Variants in OGA observed in about 807,000 individuals in gnomAD.
OGA encodes O-GlcNAcase.
Under a neutral mutation model 102.0 loss-of-function variants are expected in OGA, and 21 were observed. That is an observed-to-expected ratio of 0.21 (90% CI 0.15 to 0.30). The LOEUF is 0.30. Among genes scored for constraint, OGA ranks in the 10% least tolerant of loss-of-function variants. The probability of loss-of-function intolerance (pLI) is 1.00; values close to 1 mark genes in which losing one functional copy is unlikely to be tolerated. For missense variants in OGA, 765 were observed against 1,107.8 expected, an observed-to-expected ratio of 0.69 and a Z score of 4.39; for synonymous variants, 408 against 378.2, an observed-to-expected ratio of 1.08 and a Z score of -0.91.
In OGA at chr10:101,793,903, A is replaced by G. The variant is rs975316714; in HGVS notation, c.2070+10T>C. On this transcript the variant is annotated intron_variant, in intron 11 of 15. Coordinates refer to ENST00000361464, the MANE Select transcript of OGA (RefSeq NM_012215.5). ...AAAATGTCAATTCAGTTGTGAATTC[A>G]TATTGATACCTGGAACTCTCCTGCT... is the stretch of plus-strand genomic sequence containing the variant. 1 of 1,578,730 alleles carries G rather than the reference A, an allele frequency of 6.3e-7. No homozygotes were observed. Among genetic ancestry groups the G allele is most frequent in the African/African-American group, 1.4e-5 (1 of 74,064 alleles).
At position 101,797,911 on chromosome 10, in the gene OGA, C is replaced by T. The variant is rs751927540; in HGVS notation, c.1984+69G>A. ...GTGCCAATTCCCTAAATGTTTTTCTCCCTGTGGGATAATTTTTTTTAAAGG... is the reference window on the plus strand; with the variant it reads ...GTGCCAATTCCCTAAATGTTTTTCTTCCTGTGGGATAATTTTTTTTAAAGG... On this transcript the variant is annotated intron_variant, in intron 10 of 15. Coordinates refer to ENST00000361464, the MANE Select transcript of OGA (RefSeq NM_012215.5). The T allele has an allele frequency of 2.7e-6, 4 of 1,472,666 alleles. No individual in the cohort carries two copies. The East Asian group carries it at 9.1e-5, about 33-fold the overall frequency. The allele number at this position is 1,472,666 out of a possible 1,614,324, so 91.2% of individuals were successfully genotyped here.
chr10:101,789,003 A>G (rs1166552206), intron 14 of OGA, among the ~76,000 whole-genome samples: 1 of 152,206 alleles, frequency 6.6e-6, no homozygotes, highest in East Asian at 1.9e-4. Context: ...AAAATGTGCA[A>G]ATTTTATGTT....
chr10:101,798,716 A>G, intron 9 of OGA, 126 bp downstream of exon 9: 2 of 1,251,208 alleles, frequency 1.6e-6, no homozygotes, highest in African/African-American at 1.5e-5. Flanking sequence ...AACCGGCCTA[A>G]AGAACATATT....
intron 10 of OGA, chr10:101,797,232 A>G (rs946030355): frequency 3.9e-5 from 6 of 152,212 alleles, no homozygotes; most frequent in Admixed American, 2.6e-4. Flanking sequence ...TGTGCTGTAT[A>G]TAAGTCCATT....
At chr10:101,814,545 G>A (rs1326482454) in intron 1 of OGA, among the ~76,000 whole-genome samples, 1 of 152,080 alleles carries the variant, frequency 6.6e-6, no homozygotes, top group Non-Finnish European at 1.5e-5. Flanking sequence ...GCCAAGATCC[G>A]CGCCATTGCA....
chr10:101,809,542 C>G (rs2065522889), intron 4 of OGA, among the ~76,000 whole-genome samples: 2 of 151,766 alleles, frequency 1.3e-5, no homozygotes, highest in Non-Finnish European at 2.9e-5. Flanking sequence ...GTGGCAAAAC[C>G]CTGTCTCTAC....
At chr10:101,813,651 G>A in intron 1 of OGA, 45 bp from the exon 2 acceptor site, 1 of 1,265,702 alleles carries the variant, frequency 7.9e-7, no homozygotes, top group South Asian at 1.3e-5. Flanking sequence ...TTTAAAATGT[G>A]GTAAGCTTTA....
At chr10:101,788,588 G>C (rs1002474041) in intron 14 of OGA, among the ~76,000 whole-genome samples, 4 of 151,342 alleles carry the variant, frequency 2.6e-5, no homozygotes, top group African/African-American at 9.7e-5. Context: ...TACAAAAATT[G>C]GCTGGGCCTA....
chr10:101,805,568 T>TGG (rs2065458174), intron 6 of OGA, among the ~76,000 whole-genome samples: 8 of 150,534 alleles, frequency 5.3e-5, no homozygotes, highest in East Asian at 3.9e-4. Context: ...GTCAGGAGAA[T>TGG]TGCTTGAACC....
At chr10:101,789,621 G>A (rs779943337) in intron 14 of OGA, among the ~76,000 whole-genome samples, 2 of 151,976 alleles carry the variant, frequency 1.3e-5, no homozygotes, top group African/African-American at 2.4e-5. Context: ...CACAAGTAGG[G>A]GTCCAAATAT....
chr10:101,787,593 T>C (rs2065205930), intron 14 of OGA, 70 bp from the exon 15 acceptor site: 1 of 1,302,174 alleles, frequency 7.7e-7, no homozygotes, highest in Non-Finnish European at 1.1e-6. Context: ...CTACAGAACT[T>C]AGCAACAAGA....
intron 11 of OGA, 93 bp from the exon 12 acceptor site, chr10:101,793,036 C>T (rs2135036851): frequency 1.1e-6 from 1 of 931,522 alleles, no homozygotes; most frequent in East Asian, 2.5e-5. Context: ...CTTATATTAA[C>T]TGGCTACTGC....
At chr10:101,813,434 C>T in intron 2 of OGA, 121 bp downstream of exon 2, 1 of 671,308 alleles carries the variant, frequency 1.5e-6, no homozygotes. Flanking sequence ...GGTAAAATAA[C>T]TTCTGCAATT....
Position 101,811,731 on chromosome 10 carries a change from T to C in OGA, c.349+1299A>G, listed in dbSNP as rs544071930. Among the ~76,000 whole-genome samples the C allele has an allele frequency of 2.6e-5, 4 of 152,238 alleles. No homozygotes were observed. In the South Asian group the frequency reaches 8.3e-4, roughly 32 times the overall value. On this transcript the variant is annotated intron_variant, in intron 3 of 15. Coordinates refer to ENST00000361464, the MANE Select transcript of OGA (RefSeq NM_012215.5). ...AAGAAAAAGAACCAGAGTTAAGTCA[T>C]GGCCTTAACAATCTTGACCTGTTTC...
Position 101,807,906 on chromosome 10 carries a change from GA to G in OGA, c.481-6del. The G allele has an allele frequency of 7.0e-7, 1 of 1,429,968 alleles. No individual in the cohort carries two copies. The allele number at this position is 1,429,968 out of a possible 1,614,324, so 88.6% of individuals were successfully genotyped here. ...TCTGCACCCAAACTGAGAAACCTAG[GA>G]GAAAAAAAAAAAAAAGAATCAAGAG... On this transcript the variant is annotated splice_polypyrimidine_tract_variant and splice_region_variant and intron_variant, in intron 4 of 15. Transcript: ENST00000361464.
At chr10:101,791,524 G>A (rs1013430939) in intron 12 of OGA, 85 bp from the exon 13 acceptor site, 1 of 1,073,522 alleles carries the variant, frequency 9.3e-7, no homozygotes, top group Middle Eastern at 2.0e-4. Context: ...GTCTGGGGAG[G>A]GAGTAACAAA....
chr10:101,797,208 C>T (rs913524296), intron 10 of OGA: 1 of 152,052 alleles, frequency 6.6e-6, no homozygotes, highest in Non-Finnish European at 1.5e-5. Flanking sequence ...GTCAGTCAGC[C>T]TTGCTGCCTG....
intron 3 of OGA, among the ~76,000 whole-genome samples, chr10:101,810,874 G>A (rs1353608861): frequency 6.6e-6 from 1 of 152,094 alleles, no homozygotes; most frequent in Non-Finnish European, 1.5e-5. Flanking sequence ...TTGTTTAGTA[G>A]AGATGAGGGT....
chr10:101,795,830 C>A, intron 10 of OGA: 1 of 817,534 alleles, frequency 1.2e-6, no homozygotes, highest in Non-Finnish European at 1.5e-6. Context: ...AATAAAAAAA[C>A]TCACAATGTT....
Sources: gnomAD v4.1 joint callset for allele counts (sites outside exome capture counted in the v4.1 genomes callset) on GRCh38, gnomAD v4.1.1 for gene constraint, MANE v1.5 for transcripts, NCBI Gene and HGNC (gene_info 2026-07-23, HGNC 2026-07-21) for gene names.